Variants in QTMAN observed in about 807,000 individuals in gnomAD.
QTMAN encodes tRNA-queuosine alpha-mannosyltransferase.
At chr2:144,044,711 A>G in the QTMAN span, among the ~76,000 whole-genome samples, 2 of 152,224 alleles carry the variant, frequency 1.3e-5, no homozygotes, top group African/African-American at 4.8e-5. Context: ...AGAGATATCA[A>G]AAATATCTAA....
the QTMAN span, among the ~76,000 whole-genome samples, chr2:144,219,748 G>C: frequency 6.6e-6 from 1 of 152,228 alleles, no homozygotes; most frequent in African/African-American, 2.4e-5. Flanking sequence ...CTTGAGCCTG[G>C]GAGGTGGAGG....
At chr2:144,072,481 A>C in the QTMAN span, among the ~76,000 whole-genome samples, 1 of 152,236 alleles carries the variant, frequency 6.6e-6, no homozygotes, top group Non-Finnish European at 1.5e-5. Flanking sequence ...CTTCTCATTT[A>C]CTAAGACTCA....
At chr2:144,320,832 T>C in the QTMAN span, among the ~76,000 whole-genome samples, 3 of 152,174 alleles carry the variant, frequency 2.0e-5, no homozygotes, top group African/African-American at 7.2e-5. Context: ...TTGTGAACAG[T>C]CTGCATATTC....
chr2:144,247,620 T>C, the QTMAN span, among the ~76,000 whole-genome samples: 15 of 152,294 alleles, frequency 9.8e-5, no homozygotes, highest in African/African-American at 3.6e-4. Context: ...TGTGGAGATA[T>C]ATAATGACTA....
At chr2:144,287,179 G>A in the QTMAN span, among the ~76,000 whole-genome samples, 10 of 152,206 alleles carry the variant, frequency 6.6e-5, no homozygotes, top group African/African-American at 2.4e-4. Context: ...GCTCACGCCT[G>A]TAATCCCAGC....
chr2:144,114,695 A>T, the QTMAN span, among the ~76,000 whole-genome samples: 1 of 135,632 alleles, frequency 7.4e-6, no homozygotes, highest in East Asian at 2.9e-4. Flanking sequence ...TACAAAACAA[A>T]ACAAAACAAA....
At chr2:144,048,786 G>A in the QTMAN span, among the ~76,000 whole-genome samples, 1 of 149,382 alleles carries the variant, frequency 6.7e-6, no homozygotes, top group African/African-American at 2.5e-5. Flanking sequence ...CTGCTCCCCC[G>A]CATGCACATG....
At chr2:144,041,633 G>A in the QTMAN span, among the ~76,000 whole-genome samples, 6 of 152,180 alleles carry the variant, frequency 3.9e-5, no homozygotes, top group African/African-American at 1.2e-4. Context: ...TTCTGTGGAC[G>A]CACTGATAAA....
chr2:144,000,436 A>G, the QTMAN span, among the ~76,000 whole-genome samples: 1 of 152,136 alleles, frequency 6.6e-6, no homozygotes, highest in Non-Finnish European at 1.5e-5. Flanking sequence ...GTAACTAAAG[A>G]AAACTTATCA....
chr2:144,045,301 G>T, the QTMAN span, among the ~76,000 whole-genome samples: 13 of 152,198 alleles, frequency 8.5e-5, no homozygotes, highest in African/African-American at 3.1e-4. Flanking sequence ...TGTGTGTGTG[G>T]TATGAAATCA....
At chr2:144,130,093 A>G in the QTMAN span, among the ~76,000 whole-genome samples, 4 of 106,072 alleles carry the variant, frequency 3.8e-5, no homozygotes, top group African/African-American at 1.0e-4. Context: ...TAATTTCTGG[A>G]AAAAAAAAAA....
chr2:144,131,433 T>A, the QTMAN span, among the ~76,000 whole-genome samples: 1 of 151,878 alleles, frequency 6.6e-6, no homozygotes, highest in Non-Finnish European at 1.5e-5. Flanking sequence ...TCCAATAACC[T>A]ATTCTAGTAG....
At chr2:144,107,376 G>A in the QTMAN span, among the ~76,000 whole-genome samples, 7 of 151,638 alleles carry the variant, frequency 4.6e-5, no homozygotes, top group Non-Finnish European at 7.4e-5. Context: ...TAATAAAGAA[G>A]AAGAGAGAAG....
chr2:144,179,797 T>C, the QTMAN span, among the ~76,000 whole-genome samples: 1 of 152,220 alleles, frequency 6.6e-6, no homozygotes, highest in Non-Finnish European at 1.5e-5. Context: ...CAGTGCTGTT[T>C]CTGCAACTTG....
the QTMAN span, among the ~76,000 whole-genome samples, chr2:144,137,626 C>T: frequency 6.6e-6 from 1 of 152,048 alleles, no homozygotes; most frequent in Non-Finnish European, 1.5e-5. Flanking sequence ...GTTCTAGTTC[C>T]TGCTCTGCCT....
At chr2:144,009,381 A>G in the QTMAN span, among the ~76,000 whole-genome samples, 2 of 152,112 alleles carry the variant, frequency 1.3e-5, no homozygotes, top group Non-Finnish European at 2.9e-5. Flanking sequence ...GGCGTTAAAT[A>G]GGGCTGAAAG....
the QTMAN span, among the ~76,000 whole-genome samples, chr2:143,987,485 C>T: frequency 6.6e-6 from 1 of 152,186 alleles, no homozygotes; most frequent in Non-Finnish European, 1.5e-5. Context: ...CGTTGCCTGA[C>T]TTTTCCAGGC....
the QTMAN span, among the ~76,000 whole-genome samples, chr2:144,078,146 C>T: frequency 1.3e-5 from 2 of 152,174 alleles, no homozygotes; most frequent in Admixed American, 1.3e-4. Flanking sequence ...TTGTTCAGTT[C>T]ACAGTCTCTG....
At chr2:144,284,461 C>T in the QTMAN span, among the ~76,000 whole-genome samples, 1,337 of 151,634 alleles carry the variant, frequency 8.8e-3, 14 homozygotes, top group African/African-American at 0.03. Context: ...TGATCTTGAC[C>T]ATGGATGGCT....
Sources: allele counts gnomAD v4.1 joint callset (sites outside exome capture counted in the v4.1 genomes callset), GRCh38; gene constraint gnomAD v4.1.1; transcripts MANE v1.5; gene names NCBI Gene and HGNC (gene_info 2026-07-23, HGNC 2026-07-21).